FAM114A2: variants seen among roughly 807,000 people sequenced by gnomAD.
FAM114A2 encodes the protein protein FAM114A2.
FAM114A2 carries 53 observed loss-of-function variants against 58.4 expected under a neutral mutation model. That is an observed-to-expected ratio of 0.91 (90% CI 0.73 to 1.14). The LOEUF (loss-of-function observed/expected upper bound fraction) is 1.14. Among genes scored for constraint, FAM114A2 ranks in the 50% most tolerant of loss-of-function variants. FAM114A2 has a pLI of 0.00. For synonymous variants in FAM114A2, 228 were observed against 211.4 expected (o/e 1.08, Z -0.68); for missense variants, 601 against 581.1 (o/e 1.03, Z -0.35).
chr5:153,997,387 A>G (rs1769640414), intron 12 of FAM114A2, among the ~76,000 whole-genome samples: 1 of 152,260 alleles, frequency 6.6e-6, no homozygotes, highest in Admixed American at 6.5e-5. Context: ...AAAATGTGAT[A>G]TATATCCATA....
intron 9 of FAM114A2, among the ~76,000 whole-genome samples, chr5:154,006,108 T>C (rs572498298): frequency 6.6e-6 from 1 of 152,308 alleles, no homozygotes; most frequent in African/African-American, 2.4e-5. Flanking sequence ...GCATGAACTA[T>C]ATAAAGGCTT....
intron 12 of FAM114A2, among the ~76,000 whole-genome samples, chr5:153,996,910 T>G (rs953327827): frequency 6.8e-6 from 1 of 147,236 alleles, no homozygotes; most frequent in Non-Finnish European, 1.5e-5. Flanking sequence ...GGCAGAAGAA[T>G]CACTTGGACC....
rs772416892 is a variant in FAM114A2 at position 154,034,728 on chromosome 5, C to T, written c.210+16G>A. 6.4e-7 allele frequency: 1 copy of T among 1,562,796 alleles called. No homozygotes were observed. Among genetic ancestry groups the T allele is most frequent in the South Asian group, 1.1e-5 (1 of 89,128 alleles). On this transcript the variant is annotated intron_variant, in intron 2 of 13. Coordinates refer to ENST00000351797, the MANE Select transcript of FAM114A2 (RefSeq NM_018691.4). ...TATTTTAATAGATACCCTACTTTTTCTGTGGTCTGTGATACCTGAATAGGG... is the reference window on the plus strand; with the variant it reads ...TATTTTAATAGATACCCTACTTTTTTTGTGGTCTGTGATACCTGAATAGGG...
chr5:154,026,505 AT>A lies in FAM114A2; in HGVS notation c.806del (p.Asn269IlefsTer3). 2 of 1,533,372 alleles carry A rather than the reference AT, an allele frequency of 1.3e-6. No individual in the cohort carries two copies. Among genetic ancestry groups the A allele is most frequent in the Non-Finnish European group, 1.8e-6 (2 of 1,141,744 alleles). 95.0% of individuals were successfully genotyped at this position (1,533,372 alleles called of 1,614,324 possible). On this transcript the variant is annotated frameshift_variant, in exon 8 of 14. Transcript: ENST00000351797. LOFTEE classifies it high-confidence loss of function. ...ESEIKVKSILNSLSGEELETL... is the reference protein window; with the variant it reads ...ESEIKVKSILXSLSGEELETL... Reference sequence around the variant, plus strand: ...TCTCTAATTCTTCTCCACTCAGAGAATTAAGGATAGATTTCACCTGAATGGA... The same window carrying A: ...TCTCTAATTCTTCTCCACTCAGAGAATAAGGATAGATTTCACCTGAATGGA...
intron 9 of FAM114A2, among the ~76,000 whole-genome samples, chr5:154,007,599 A>G (rs960081262): frequency 6.6e-6 from 1 of 152,222 alleles, no homozygotes; most frequent in African/African-American, 2.4e-5. Flanking sequence ...TGCCAGACAG[A>G]TAAGGAGTTA....
chr5:154,020,011 TA>T (rs1771299589), intron 8 of FAM114A2, among the ~76,000 whole-genome samples: 1 of 152,170 alleles, frequency 6.6e-6, no homozygotes, highest in African/African-American at 2.4e-5. Context: ...ACTGCACAAC[TA>T]CATGGAAACT....
In FAM114A2 at chr5:154,014,528, A is replaced by T. The variant is rs561498653; in HGVS notation, c.914-3208T>A. Among the ~76,000 whole-genome samples the T allele has an allele frequency of 3.9e-5, 6 of 152,328 alleles. No homozygotes were observed. In the South Asian group the frequency reaches 1.0e-3, roughly 26 times the overall value. ...AGGGAGATCATCTACCCCAGAACAC[A>T]CACCCCACTGGGGAACCTGAGGGTC... On this transcript the variant is annotated intron_variant, in intron 8 of 13. Coordinates refer to ENST00000351797, the MANE Select transcript of FAM114A2 (RefSeq NM_018691.4).
At position 154,033,869 on chromosome 5, in the gene FAM114A2, T is replaced by C. The variant is rs375074380; in HGVS notation, c.325A>G (p.Asn109Asp). The stretch of plus-strand genomic sequence containing the variant: ...GAAGTCTCTGCCTTCTCGATGACAT[T>C]TGAAATGCCTTGTCCTAATGAGAAA... ...TVATVGQGIS[N>D]VIEKAETSLG... The change falls in exon 4 of 14, where the codon AAT (asparagine) becomes GAT (aspartate). Residue 109 changes from asparagine to aspartate, a missense_variant. Coordinates refer to ENST00000351797, the MANE Select transcript of FAM114A2 (RefSeq NM_018691.4). 6.2e-7 allele frequency: 1 copy of C among 1,606,446 alleles called. No homozygotes were observed. Among genetic ancestry groups the C allele is most frequent in the Admixed American group, 1.7e-5 (1 of 59,588 alleles).
In FAM114A2 at chr5:154,028,146, T is replaced by G. The variant is rs370349510; in HGVS notation, c.630+3A>C. The G allele has an allele frequency of 3.9e-5, 63 of 1,607,946 alleles. No individual in the cohort carries two copies. In the African/African-American group the frequency reaches 8.2e-4, roughly 21 times the overall value. ...GAAGTAAACAGGTAAGGATAATCAGTACCTGAGATAGTGTAGCATTTCGGT... is the reference window on the plus strand; with the variant it reads ...GAAGTAAACAGGTAAGGATAATCAGGACCTGAGATAGTGTAGCATTTCGGT... On this transcript the variant is annotated splice_donor_region_variant and intron_variant, in intron 6 of 13. Coordinates refer to ENST00000351797, the MANE Select transcript of FAM114A2 (RefSeq NM_018691.4).
intron 8 of FAM114A2, among the ~76,000 whole-genome samples, chr5:154,013,474 G>C (rs903784261): frequency 6.6e-6 from 1 of 152,064 alleles, no homozygotes; most frequent in Admixed American, 6.6e-5. Flanking sequence ...AAAATCACTG[G>C]GGAAGGCTGG....
intron 8 of FAM114A2, among the ~76,000 whole-genome samples, chr5:154,024,018 G>A (rs181094325): frequency 6.6e-6 from 1 of 152,208 alleles, no homozygotes; most frequent in Admixed American, 6.5e-5. Flanking sequence ...TTAGTTACCT[G>A]GTTTCTCACC....
chr5:153,997,787 A>T lies in FAM114A2; in HGVS notation c.1329+16T>A. The T allele has an allele frequency of 6.9e-7, 1 of 1,443,378 alleles. No individual in the cohort carries two copies. The highest frequency in any genetic ancestry group is 9.7e-7 in the Non-Finnish European group (1 of 1,027,180). 89.4% of individuals were successfully genotyped at this position (1,443,378 alleles called of 1,614,324 possible). ...ACCAGACAAACATTATTGCAGTAAGAGGCATGGATTCTTACCCCAGCAGTT... is the reference window on the plus strand; with the variant it reads ...ACCAGACAAACATTATTGCAGTAAGTGGCATGGATTCTTACCCCAGCAGTT... On this transcript the variant is annotated intron_variant, in intron 12 of 13. Coordinates refer to ENST00000351797, the MANE Select transcript of FAM114A2 (RefSeq NM_018691.4).
rs1445435594 is a variant in FAM114A2 at position 153,991,168 on chromosome 5, TGCCAAATTCAGGG to T, written c.*1795_*1807del. The T allele has an allele frequency of 6.6e-6, 1 of 152,280 alleles. No homozygotes were observed. The highest frequency in any genetic ancestry group is 2.4e-5 in the African/African-American group (1 of 41,550). 9.4% of individuals were successfully genotyped at this position (152,280 alleles called of 1,614,324 possible). ...CTTATGTGAGACCTAATCTAAAATT[TGCCAAATTCAGGG>T]CTGAAATCTGAATAGGTGTATAAAA... On this transcript the variant is annotated 3_prime_UTR_variant, in exon 14 of 14. Coordinates refer to ENST00000351797, the MANE Select transcript of FAM114A2 (RefSeq NM_018691.4).
At chr5:154,023,391 G>A (rs779311982) in intron 8 of FAM114A2, among the ~76,000 whole-genome samples, 63 of 152,086 alleles carry the variant, frequency 4.1e-4, no homozygotes, top group Non-Finnish European at 7.6e-4. Context: ...ATCAATCAAC[G>A]AGTAGATAAA....
At chr5:153,993,168 T>C (rs1769343629) in intron 13 of FAM114A2, 58 bp from the exon 14 acceptor site, 2 of 1,439,334 alleles carry the variant, frequency 1.4e-6, no homozygotes, top group South Asian at 1.3e-5. Context: ...AGAGAAGATA[T>C]ACTGTAAGGC....
intron 9 of FAM114A2, among the ~76,000 whole-genome samples, chr5:154,009,000 C>T (rs947429379): frequency 7.2e-5 from 11 of 152,162 alleles, no homozygotes; most frequent in African/African-American, 1.4e-4. Context: ...TAGGTGTACA[C>T]GTGCACATAT....
intron 9 of FAM114A2, among the ~76,000 whole-genome samples, chr5:154,008,569 T>A (rs753568817): frequency 2.6e-5 from 4 of 152,152 alleles, no homozygotes; most frequent in Non-Finnish European, 5.9e-5. Context: ...TTTTAAAATA[T>A]TGTATAAAAT....
chr5:153,997,042 A>T (rs944781759), intron 12 of FAM114A2, among the ~76,000 whole-genome samples: 14 of 151,942 alleles, frequency 9.2e-5, no homozygotes, highest in African/African-American at 3.4e-4. Context: ...ACATTAGGGA[A>T]ATGTAAATCA....
chr5:154,000,242 A>G (rs1769888808), intron 11 of FAM114A2, among the ~76,000 whole-genome samples: 1 of 152,216 alleles, frequency 6.6e-6, no homozygotes, highest in Non-Finnish European at 1.5e-5. Context: ...TTGGTTAATG[A>G]GTACAAACAT....
Sources: gnomAD v4.1 joint callset for allele counts (sites outside exome capture counted in the v4.1 genomes callset) on GRCh38, gnomAD v4.1.1 for gene constraint, MANE v1.5 for transcripts, NCBI Gene and HGNC (gene_info 2026-07-23, HGNC 2026-07-21) for gene names.